MRPL2: variants seen among roughly 807,000 people sequenced by gnomAD.
MRPL2 encodes mitochondrial ribosomal protein L2.
In MRPL2, 27 loss-of-function variants were observed where a neutral mutation model predicts 34.6. The ratio of observed to expected loss-of-function variants is 0.78; its 90% CI spans 0.58 to 1.08. MRPL2 has a LOEUF of 1.08. Among genes scored for constraint, MRPL2 ranks in the 50% least tolerant of loss-of-function variants. MRPL2 has a pLI of 0.00. For missense variants in MRPL2, 414 were observed against 419.3 expected (o/e 0.99, Z 0.11); for synonymous variants, 155 against 158.0 (o/e 0.98, Z 0.14).
In MRPL2 at chr6:43,054,172, C is replaced by CAAAA; in HGVS notation, c.*98_*101dup. ...TTAGTCTGTACCATCCCCTCCCCCG[C>CAAAA]AAAAAAAAAACAACAACAAAAAAAA... On this transcript the variant is annotated 3_prime_UTR_variant, in exon 7 of 7. Transcript: ENST00000388752. 1.4e-6 allele frequency: 1 copy of CAAAA among 715,442 alleles called. No homozygotes were observed. Among genetic ancestry groups the CAAAA allele is most frequent in the Non-Finnish European group, 2.0e-6 (1 of 490,212 alleles). 44.3% of individuals were successfully genotyped at this position (715,442 alleles called of 1,614,324 possible). A position where few individuals can be genotyped will look rare whatever the true frequency, so the allele number is the denominator to read the frequency against.
intron 1 of MRPL2, chr6:43,058,951 G>A: frequency 1.7e-6 from 1 of 597,172 alleles, no homozygotes; most frequent in East Asian, 2.9e-5. Context: ...AATGGGAATA[G>A]TAACTGCCTT....
intron 6 of MRPL2, 69 bp from the exon 7 acceptor site, chr6:43,054,555 C>T (rs1413872814): frequency 1.5e-6 from 2 of 1,373,740 alleles, no homozygotes; most frequent in Non-Finnish European, 2.0e-6. Context: ...TGAGAGCACA[C>T]CCTTGGGGGG....
At position 43,058,183 on chromosome 6, in the gene MRPL2, G is replaced by A. The variant is rs779215154; in HGVS notation, c.147C>T (p.Pro49=). 7 of 1,614,236 alleles carry A rather than the reference G, an allele frequency of 4.3e-6. No homozygotes were observed. Among genetic ancestry groups the A allele is most frequent in the Non-Finnish European group, 5.1e-6 (6 of 1,180,044 alleles). The part of the protein sequence containing the change: ...LQQPSALMLL[P]CRPVLTSVAL... ...CCACAGAAGTAAGAACTGGGCGGCA[G>A]GGGAGCAACATCAAGGCAGAGGGCT... Residue 49 remains proline (P), a synonymous_variant, in exon 2 of 7, where the codon CCC becomes CCT. Transcript: ENST00000388752.
chr6:43,054,363 G>C lies in MRPL2; in HGVS notation c.829C>G (p.Arg277Gly). ...TTTCGGCCAGCCCAGCCCCCCTTGC[G>C]GTGCCACCGCCCACTGTTAGGCCTC... ...GKRPNSGRWHRKGGWAGRKIR... is the reference protein window; with the variant it reads ...GKRPNSGRWHGKGGWAGRKIR... Residue 277 changes from arginine (R) to glycine (G), a missense_variant, in exon 7 of 7, where the codon CGC becomes GGC. Arg to Gly is a moderately radical substitution (Grantham distance 125). Transcript: ENST00000388752. 1 of 1,614,108 alleles carries C rather than the reference G, an allele frequency of 6.2e-7. No homozygotes were observed. Among genetic ancestry groups the C allele is most frequent in the Non-Finnish European group, 8.5e-7 (1 of 1,180,032 alleles).
Position 43,058,148 on chromosome 6 carries a change from G to A in MRPL2, c.182C>T (p.Ala61Val), listed in dbSNP as rs1258086592. ...ACGACTCTTCCAGGACACAAAGTTG[G>A]CATTAAGGGCCACAGAAGTAAGAAC... ...RPVLTSVALN[A>V]NFVSWKSRTK... The change falls in exon 2 of 7, where the codon GCC (alanine) becomes GTC (valine). Residue 61 changes from alanine to valine, a missense_variant. Coordinates refer to ENST00000388752, the MANE Select transcript of MRPL2 (RefSeq NM_015950.5). 2 of 1,614,172 alleles carry A rather than the reference G, an allele frequency of 1.2e-6. No individual in the cohort carries two copies. The highest frequency in any genetic ancestry group is 1.7e-6 in the Non-Finnish European group (2 of 1,180,038).
chr6:43,059,646 C>T (rs1051461483), upstream of MRPL2: 11 of 1,369,426 alleles, frequency 8.0e-6, no homozygotes, highest in African/African-American at 1.3e-4. Flanking sequence ...TTTAAAGGGG[C>T]AGTACCGGCA....
chr6:43,055,998 C>T lies in MRPL2; in HGVS notation c.530G>A (p.Arg177Gln), dbSNP rs371716342. ...CCCAAGAGGATGCGCATCCCCTTCC[C>T]GAGCAGCAACTAAAAGACAGGATTT... The part of the protein sequence containing the change: ...NHIGRMAVAA[R>Q]EGDAHPLGAL... The change falls in exon 5 of 7, where the codon CGG (arginine) becomes CAG (glutamine). Residue 177 changes from arginine (R) to glutamine (Q), a missense_variant. By Grantham distance (43) the Arg-to-Gln change is conservative (BLOSUM62 1). Coordinates refer to ENST00000388752, the MANE Select transcript of MRPL2 (RefSeq NM_015950.5). 10 of 1,614,012 alleles carry T rather than the reference C, an allele frequency of 6.2e-6. No individual in the cohort carries two copies. The highest frequency in any genetic ancestry group is 2.7e-5 in the African/African-American group (2 of 74,900).
intron 4 of MRPL2, 21 bp from the exon 5 acceptor site, chr6:43,056,028 A>G: frequency 6.2e-7 from 1 of 1,614,164 alleles, no homozygotes; most frequent in Non-Finnish European, 8.5e-7. Flanking sequence ...GGATTTCATT[A>G]GCTCTAGAAC....
chr6:43,058,978 G>T (rs1320511782), intron 1 of MRPL2: 1 of 675,604 alleles, frequency 1.5e-6, no homozygotes, highest in Non-Finnish European at 2.4e-6. Flanking sequence ...TATTTGAAAG[G>T]AGTTCATTTA....
intron 2 of MRPL2, among the ~76,000 whole-genome samples, chr6:43,057,400 C>T (rs1341718609): frequency 2.6e-5 from 4 of 152,048 alleles, no homozygotes; most frequent in South Asian, 2.1e-4. Flanking sequence ...TGCAGCAGCG[C>T]GATCTCGGCC....
chr6:43,059,536 G>T, upstream of MRPL2: 1 of 1,428,604 alleles, frequency 7.0e-7, no homozygotes. Flanking sequence ...AACGCCGTGA[G>T]AGCCAATCCG....
chr6:43,059,112 C>T (rs1471136389), intron 1 of MRPL2, 174 bp downstream of exon 1: 1 of 1,533,450 alleles, frequency 6.5e-7, no homozygotes, highest in Non-Finnish European at 8.8e-7. Context: ...AGAATTTCGC[C>T]CTATGAGAAA....
chr6:43,059,086 T>G, intron 1 of MRPL2, 200 bp downstream of exon 1: 1 of 1,497,792 alleles, frequency 6.7e-7, no homozygotes, highest in East Asian at 2.5e-5. Flanking sequence ...ACTTTCACCT[T>G]AAGTATCTCG....
chr6:43,059,598 C>T (rs1223933118), upstream of MRPL2: 1 of 1,408,510 alleles, frequency 7.1e-7, no homozygotes, highest in Non-Finnish European at 9.2e-7. Context: ...CCCCCCAGAC[C>T]CGTCAAAACA....
chr6:43,054,210 A>C lies in MRPL2; in HGVS notation c.*64T>G. On this transcript the variant is annotated 3_prime_UTR_variant, in exon 7 of 7. Coordinates refer to ENST00000388752, the MANE Select transcript of MRPL2 (RefSeq NM_015950.5). The stretch of plus-strand genomic sequence containing the variant: ...ACAACAAAAAAAACAAAAAACACCC[A>C]AAACAAAACCACAGTAACAGATTAA... The C allele has an allele frequency of 1.6e-6, 2 of 1,236,966 alleles. No individual in the cohort carries two copies. Among genetic ancestry groups the C allele is most frequent in the Non-Finnish European group, 2.2e-6 (2 of 890,132 alleles). 76.6% of individuals were successfully genotyped at this position (1,236,966 alleles called of 1,614,324 possible). A position where few individuals can be genotyped will look rare whatever the true frequency, so the allele number is the denominator to read the frequency against.
At chr6:43,057,243 C>T (rs763482031) in intron 2 of MRPL2, among the ~76,000 whole-genome samples, 2 of 152,108 alleles carry the variant, frequency 1.3e-5, no homozygotes, top group African/African-American at 2.4e-5. Flanking sequence ...TACAATGGTG[C>T]GATCTCGGCT....
In MRPL2 at chr6:43,058,151, T is replaced by A; in HGVS notation, c.179A>T (p.Asn60Ile). Residue 60 changes from asparagine (N) to isoleucine (I), a missense_variant, in exon 2 of 7, where the codon AAT becomes ATT. Physicochemically the swap from Asn to Ile is moderately radical, Grantham distance 149 (BLOSUM62 -3). Transcript: ENST00000388752. ...CRPVLTSVAL[N>I]ANFVSWKSRT... ...ACTCTTCCAGGACACAAAGTTGGCA[T>A]TAAGGGCCACAGAAGTAAGAACTGG... is the stretch of plus-strand genomic sequence containing the variant. The A allele has an allele frequency of 3.1e-6, 5 of 1,614,158 alleles. No homozygotes were observed. The highest frequency in any genetic ancestry group is 4.2e-6 in the Non-Finnish European group (5 of 1,180,020).
chr6:43,054,527 GA>G lies in MRPL2; in HGVS notation c.706-42del, dbSNP rs1434919801. On this transcript the variant is annotated intron_variant, in intron 6 of 6. Transcript: ENST00000388752. ...GATGGAGATTCTGTACAATGGGGGGGAAAGAGCTTGACAATGTTGAGAGCAC... is the reference window on the plus strand; with the variant it reads ...GATGGAGATTCTGTACAATGGGGGGGAAGAGCTTGACAATGTTGAGAGCAC... The G allele has an allele frequency of 6.4e-6, 10 of 1,565,120 alleles. 1 individual carries two copies. The highest frequency in any genetic ancestry group is 3.4e-5 in the South Asian group (3 of 89,382).
upstream of MRPL2, chr6:43,059,642 G>A: frequency 1.5e-6 from 2 of 1,376,628 alleles, no homozygotes; most frequent in Middle Eastern, 2.7e-4. Flanking sequence ...TGGATTTAAA[G>A]GGGCAGTACC....
Sources: allele counts gnomAD v4.1 joint callset (sites outside exome capture counted in the v4.1 genomes callset), GRCh38; gene constraint gnomAD v4.1.1; transcripts MANE v1.5; gene names NCBI Gene and HGNC (gene_info 2026-07-23, HGNC 2026-07-21).